Variants in DCPS observed in about 807,000 individuals in gnomAD.
DCPS encodes m7GpppX diphosphatase.
In DCPS, 27 loss-of-function variants were observed where a neutral mutation model predicts 34.7. That is an observed-to-expected ratio of 0.78 (90% CI 0.57 to 1.07). The LOEUF (loss-of-function observed/expected upper bound fraction) is 1.07, where lower values mean the gene tolerates loss of function less well. Ranked by LOEUF, DCPS falls within the 50% of genes least tolerant of loss-of-function variation. The pLI, the probability that DCPS is intolerant of heterozygous loss-of-function variation, is 0.00. For missense variants in DCPS, 464 were observed against 436.9 expected, an observed-to-expected ratio of 1.06 and a Z score of -0.55; for synonymous variants, 185 against 185.7, an observed-to-expected ratio of 1.00 and a Z score of 0.03.
chr11:126,321,629 C>G lies in DCPS; in HGVS notation c.377-9776C>G, dbSNP rs1193655246. Among the ~76,000 whole-genome samples the G allele has an allele frequency of 3.3e-5, 5 of 151,920 alleles. 1 individual carries two copies. Among genetic ancestry groups the G allele is most frequent in the Admixed American group, 2.6e-4 (4 of 15,238 alleles). ...GAGCTGCCCTTCAGGAGGGAGTGGACAGGCAAGGGTGAGCAGACTCTAAAT... is the reference window on the plus strand; with the variant it reads ...GAGCTGCCCTTCAGGAGGGAGTGGAGAGGCAAGGGTGAGCAGACTCTAAAT... On this transcript the variant is annotated intron_variant, in intron 2 of 5. Transcript: ENST00000263579.
rs1951831926 is a variant in DCPS at position 126,336,313 on chromosome 11, C to G, written c.523-1973C>G. 6.6e-6 allele frequency: 1 copy of G among 152,494 alleles called. No individual in the cohort carries two copies. Among genetic ancestry groups the G allele is most frequent in the South Asian group, 2.1e-4 (1 of 4,840 alleles). 9.4% of individuals were successfully genotyped at this position (152,494 alleles called of 1,614,324 possible). On this transcript the variant is annotated intron_variant, in intron 3 of 5. Transcript: ENST00000263579. The surrounding 1 kb of genome is among the most constrained non-coding windows in gnomAD (Gnocchi z 6.3). ...TCACCGCCTTTCCCTCTTTTCCTGT[C>G]CCCAGTCAGTTTTGTAGCCTCTGGC...
rs181281037 is a variant in DCPS at position 126,331,382 on chromosome 11, C to T, written c.377-23C>T. The stretch of plus-strand genomic sequence containing the variant: ...GAGAGTGGGCATTGCTTCCCTGTCA[C>T]GGGCTGTGCTGTATCATTGCAGATG... On this transcript the variant is annotated intron_variant, in intron 2 of 5. Coordinates refer to ENST00000263579, the MANE Select transcript of DCPS (RefSeq NM_014026.6). The surrounding 1 kb of genome is among the most constrained non-coding windows in gnomAD (Gnocchi z 7.2). 3.4e-5 allele frequency: 55 copies of T among 1,612,626 alleles called. 1 individual carries two copies. The highest frequency in any genetic ancestry group is 2.3e-4 in the African/African-American group (17 of 74,998).
In DCPS at chr11:126,346,537, G is replaced by T. The variant is rs1236052439; in HGVS notation, c.*924G>T. ...CTCAAGCGGCGCAGGGACATGGCTTGTATGGGCGGGCACACAAGTAAACAC... is the reference window on the plus strand; with the variant it reads ...CTCAAGCGGCGCAGGGACATGGCTTTTATGGGCGGGCACACAAGTAAACAC... On this transcript the variant is annotated 3_prime_UTR_variant, in exon 6 of 6. Transcript: ENST00000263579. The surrounding 1 kb of genome is among the most constrained non-coding windows in gnomAD (Gnocchi z 4.1). Among the ~76,000 whole-genome samples, 1 of 152,216 alleles carries T rather than the reference G, an allele frequency of 6.6e-6. No homozygotes were observed. The highest frequency in any genetic ancestry group is 1.5e-5 in the Non-Finnish European group (1 of 68,042).
rs535432231 is a variant in DCPS at position 126,328,176 on chromosome 11, G to A, written c.377-3229G>A. ...CGCGGCTGGAGCAGAGGCCCTAAGC[G>A]GGAGAGAGGCAGTGCATGAAGGTGG... On this transcript the variant is annotated intron_variant, in intron 2 of 5. Transcript: ENST00000263579. The surrounding 1 kb of genome is among the most constrained non-coding windows in gnomAD (Gnocchi z 6.6). Among the ~76,000 whole-genome samples, 4 of 152,308 alleles carry A rather than the reference G, an allele frequency of 2.6e-5. No individual in the cohort carries two copies. The highest frequency in any genetic ancestry group is 1.9e-4 in the East Asian group (1 of 5,182).
intron 5 of DCPS, among the ~76,000 whole-genome samples, chr11:126,343,954 G>A (rs1951897295): frequency 6.6e-6 from 1 of 152,138 alleles, no homozygotes. Flanking sequence ...GGGGAAGAGT[G>A]TCTAGAATCT....
Position 126,345,468 on chromosome 11 carries a change from C to T in DCPS, c.869C>T (p.Ser290Leu). The T allele has an allele frequency of 6.2e-7, 1 of 1,614,166 alleles. No individual in the cohort carries two copies. The highest frequency in any genetic ancestry group is 8.5e-7 in the Non-Finnish European group (1 of 1,180,024). The change falls in exon 6 of 6, where the codon TCA (serine) becomes TTA (leucine). Residue 290 changes from serine to leucine, a missense_variant. Transcript: ENST00000263579. The surrounding 1 kb of genome is among the most constrained non-coding windows in gnomAD (Gnocchi z 7.4). ...FTALGFEAPG[S>L]GVERAHLLAE... The stretch of plus-strand genomic sequence containing the variant: ...GCCCTGGGCTTCGAGGCCCCCGGCT[C>T]AGGCGTGGAGCGGGCCCACCTGCTG...
Position 126,327,552 on chromosome 11 carries a change from A to G in DCPS, c.377-3853A>G, listed in dbSNP as rs1951750407. Among the ~76,000 whole-genome samples, 1 of 152,116 alleles carries G rather than the reference A, an allele frequency of 6.6e-6. No individual in the cohort carries two copies. The highest frequency in any genetic ancestry group is 1.5e-5 in the Non-Finnish European group (1 of 68,022). On this transcript the variant is annotated intron_variant, in intron 2 of 5. Coordinates refer to ENST00000263579, the MANE Select transcript of DCPS (RefSeq NM_014026.6). This position sits in a 1 kb window ranked among gnomAD's most constrained non-coding sequence, Gnocchi z 4.1. ...CAACGTGTTTTCACCTGATGGTTTG[A>G]TTGTTTATTGAGCATTGACTCCTGA...
intron 2 of DCPS, among the ~76,000 whole-genome samples, chr11:126,307,023 C>A (rs1364068212): frequency 2.0e-5 from 3 of 151,956 alleles, no homozygotes; most frequent in Non-Finnish European, 4.4e-5. Flanking sequence ...AAAGTAATGT[C>A]AATAGTGCTG....
In DCPS at chr11:126,335,574, A is replaced by G. The variant is rs1951827058; in HGVS notation, c.523-2712A>G. 6.6e-6 allele frequency among the ~76,000 whole-genome samples: 1 copy of G among 152,176 alleles called. No homozygotes were observed. The highest frequency in any genetic ancestry group is 2.4e-5 in the African/African-American group (1 of 41,444). On this transcript the variant is annotated intron_variant, in intron 3 of 5. Coordinates refer to ENST00000263579, the MANE Select transcript of DCPS (RefSeq NM_014026.6). This position sits in a 1 kb window ranked among gnomAD's most constrained non-coding sequence, Gnocchi z 4.8. ...GTGCAGGCTCAGGAGCCAGATACTC[A>G]TGGTTGGAATTGGCTGACCCAGCGT...
rs999171339 is a variant in DCPS at position 126,317,255 on chromosome 11, G to A, written c.376+10511G>A. ...ATTACAGGCGTGAGCCACTGCACCC[G>A]GCCTCCCGGCCTCTTTCTTATAGTC... On this transcript the variant is annotated intron_variant, in intron 2 of 5. Transcript: ENST00000263579. Among the ~76,000 whole-genome samples the A allele has an allele frequency of 3.0e-4, 46 of 151,212 alleles. 1 individual carries two copies. The highest frequency in any genetic ancestry group is 9.2e-4 in the Admixed American group (14 of 15,256).
rs900452478 is a variant in DCPS, at chr11:126,349,505, T to C, written c.*3892T>C. On this transcript the variant is annotated 3_prime_UTR_variant, in exon 6 of 6. Transcript: ENST00000263579. This position sits in a 1 kb window ranked among gnomAD's most constrained non-coding sequence, Gnocchi z 5.4. ...TTCCTAATAGAGCAAAATTGCTGAG[T>C]GGTCTCTATTTACCAACATGAAACA... 2.0e-5 allele frequency among the ~76,000 whole-genome samples: 3 copies of C among 152,240 alleles called. No homozygotes were observed.
rs1951846501 is a variant in DCPS at position 126,338,072 on chromosome 11, CA to C, written c.523-213del. The C allele has an allele frequency of 1.8e-6, 1 of 570,366 alleles. No homozygotes were observed. The highest frequency in any genetic ancestry group is 3.1e-6 in the Non-Finnish European group (1 of 317,840). 35.3% of individuals were successfully genotyped at this position (570,366 alleles called of 1,614,324 possible). A position where few individuals can be genotyped will look rare whatever the true frequency, so the allele number is the denominator to read the frequency against. ...CTTGTGATGACGCATGGCTGAGTGC[CA>C]GCTGGAGTGGGAAGGGGGAAGTCCC... On this transcript the variant is annotated intron_variant, in intron 3 of 5. Coordinates refer to ENST00000263579, the MANE Select transcript of DCPS (RefSeq NM_014026.6). This position sits in a 1 kb window ranked among gnomAD's most constrained non-coding sequence, Gnocchi z 5.4.
In DCPS at chr11:126,345,322, G is replaced by A; in HGVS notation, c.748-25G>A. ...GGCCTCAGGCAGCACGGTGACTCCTGACCTGCCTGCCCCTGTCTCATCAGG... is the reference window on the plus strand; with the variant it reads ...GGCCTCAGGCAGCACGGTGACTCCTAACCTGCCTGCCCCTGTCTCATCAGG... On this transcript the variant is annotated intron_variant, in intron 5 of 5. Coordinates refer to ENST00000263579, the MANE Select transcript of DCPS (RefSeq NM_014026.6). The surrounding 1 kb of genome is among the most constrained non-coding windows in gnomAD (Gnocchi z 7.4). 1 of 1,612,512 alleles carries A rather than the reference G, an allele frequency of 6.2e-7. No individual in the cohort carries two copies. Among genetic ancestry groups the A allele is most frequent in the Non-Finnish European group, 8.5e-7 (1 of 1,179,594 alleles).
intron 2 of DCPS, among the ~76,000 whole-genome samples, chr11:126,326,552 T>G (rs113792853): frequency 8.5e-5 from 13 of 152,272 alleles, no homozygotes; most frequent in African/African-American, 3.1e-4. Flanking sequence ...TATTGACACC[T>G]TAAAAAAAAT....
rs1461649445 is a variant in DCPS, at chr11:126,323,953, C to T, written c.377-7452C>T. Among the ~76,000 whole-genome samples the T allele has an allele frequency of 6.6e-6, 1 of 152,100 alleles. No individual in the cohort carries two copies. The highest frequency in any genetic ancestry group is 1.5e-5 in the Non-Finnish European group (1 of 68,026). On this transcript the variant is annotated intron_variant, in intron 2 of 5. Coordinates refer to ENST00000263579, the MANE Select transcript of DCPS (RefSeq NM_014026.6). This position sits in a 1 kb window ranked among gnomAD's most constrained non-coding sequence, Gnocchi z 4.4. ...TCAAGCGATTCTTCCGCCTCAGCCTCCCGAGTATCTGGGATTACAGAAGCA... is the reference window on the plus strand; with the variant it reads ...TCAAGCGATTCTTCCGCCTCAGCCTTCCGAGTATCTGGGATTACAGAAGCA...
rs1050883509 is a variant in DCPS, at chr11:126,347,262, C to T, written c.*1649C>T. On this transcript the variant is annotated 3_prime_UTR_variant, in exon 6 of 6. Transcript: ENST00000263579. This position sits in a 1 kb window ranked among gnomAD's most constrained non-coding sequence, Gnocchi z 4.2. Reference sequence around the variant, plus strand: ...TTTTTTTGAGACAATCTCGCTCCATCACCCAGGCTGGAGTGCAGTGGCACA... The same window carrying T: ...TTTTTTTGAGACAATCTCGCTCCATTACCCAGGCTGGAGTGCAGTGGCACA... Among the ~76,000 whole-genome samples, 1 of 147,458 alleles carries T rather than the reference C, an allele frequency of 6.8e-6. No individual in the cohort carries two copies. Among genetic ancestry groups the T allele is most frequent in the African/African-American group, 2.5e-5 (1 of 40,106 alleles).
rs1342532869 is a variant in DCPS, at chr11:126,304,364, C to T, written c.201+83C>T. The T allele has an allele frequency of 2.0e-6, 3 of 1,508,822 alleles. No individual in the cohort carries two copies. The African/African-American group carries it at 4.1e-5, about 21-fold the overall frequency. The allele number at this position is 1,508,822 out of a possible 1,614,324, so 93.5% of individuals were successfully genotyped here. On this transcript the variant is annotated intron_variant, in intron 1 of 5. Transcript: ENST00000263579. The stretch of plus-strand genomic sequence containing the variant: ...GGAGGCAGATTTTTTTTTTTCGGAT[C>T]TCGGCTGGAAAATACCAATCATTAT...
chr11:126,305,413 CTTTTTTTTTTTTT>C (rs1165260410), intron 1 of DCPS, among the ~76,000 whole-genome samples: 1 of 68,296 alleles, frequency 1.5e-5, no homozygotes, highest in Non-Finnish European at 2.8e-5. Flanking sequence ...CCGCACCCGC[CTTTTTTTTTTTTT>C]TTTTTTTTTT....
Position 126,338,096 on chromosome 11 carries a change from C to G in DCPS, c.523-190C>G, listed in dbSNP as rs1158365068. 3.4e-6 allele frequency: 2 copies of G among 594,038 alleles called. No individual in the cohort carries two copies. The highest frequency in any genetic ancestry group is 6.0e-6 in the Non-Finnish European group (2 of 330,698). The allele number at this position is 594,038 out of a possible 1,614,324, so 36.8% of individuals were successfully genotyped here. A position where few individuals can be genotyped will look rare whatever the true frequency, so the allele number is the denominator to read the frequency against. ...CCAGCTGGAGTGGGAAGGGGGAAGTCCCTTCTGGACCCCTAAGAACAGATG... is the reference window on the plus strand; with the variant it reads ...CCAGCTGGAGTGGGAAGGGGGAAGTGCCTTCTGGACCCCTAAGAACAGATG... On this transcript the variant is annotated intron_variant, in intron 3 of 5. Coordinates refer to ENST00000263579, the MANE Select transcript of DCPS (RefSeq NM_014026.6). The surrounding 1 kb of genome is among the most constrained non-coding windows in gnomAD (Gnocchi z 5.4).
Sources: gnomAD v4.1 joint callset for allele counts (sites outside exome capture counted in the v4.1 genomes callset) on GRCh38, gnomAD v4.1.1 for gene constraint, Gnocchi (gnomAD v3.1) non-coding constraint, MANE v1.5 for transcripts, NCBI Gene and HGNC (gene_info 2026-07-23, HGNC 2026-07-21) for gene names.